The following DYDC1 variants were observed in gnomAD, a reference collection of about 807,000 sequenced individuals.
DYDC1 encodes the protein DPY30 domain-containing protein 1.
In DYDC1, 21 loss-of-function variants were observed where a neutral mutation model predicts 27.9. The observed-to-expected ratio is 0.75, with a 90% CI of 0.53 to 1.08. The LOEUF (loss-of-function observed/expected upper bound fraction) is 1.08, where lower values mean the gene tolerates loss of function less well. Ranked by LOEUF, DYDC1 falls within the 50% of genes least tolerant of loss-of-function variation. The pLI, the probability that DYDC1 is intolerant of heterozygous loss-of-function variation, is 0.00. For missense variants in DYDC1, 202 were observed against 205.9 expected (o/e 0.98, Z 0.12); for synonymous variants, 67 against 65.8 (o/e 1.02, Z -0.09).
At chr10:80,344,491 T>C (rs1454483136) in intron 3 of DYDC1, among the ~76,000 whole-genome samples, 3 of 152,218 alleles carry the variant, frequency 2.0e-5, no homozygotes, top group South Asian at 4.1e-4. Flanking sequence ...AAAGGGTCAA[T>C]GCTGAGTTTG....
Position 80,338,474 on chromosome 10 carries a change from A to G in DYDC1, c.497T>C (p.Phe166Ser), listed in dbSNP as rs1842210360. 6.2e-7 allele frequency: 1 copy of G among 1,612,738 alleles called. No homozygotes were observed. The highest frequency in any genetic ancestry group is 8.5e-7 in the Non-Finnish European group (1 of 1,179,560). The change falls in exon 6 of 7, where the codon TTT becomes TCT. Residue 166 changes from phenylalanine (F) to serine (S), a missense_variant. By Grantham distance (155) the Phe-to-Ser change is radical. Coordinates refer to ENST00000372202, the MANE Select transcript of DYDC1 (RefSeq NM_001269053.2). ...SRVEELDEPMFSDIALNIDQD... is the reference protein window; with the variant it reads ...SRVEELDEPMSSDIALNIDQD... Reference sequence around the variant, plus strand: ...AAACACACTGATACTGACATCAGAAAACATTGGTTCATCAAGTTCTTCCAC... The same window carrying G: ...AAACACACTGATACTGACATCAGAAGACATTGGTTCATCAAGTTCTTCCAC...
intron 4 of DYDC1, 145 bp downstream of exon 4, chr10:80,342,124 T>G (rs1842348534): frequency 8.7e-6 from 6 of 691,382 alleles, no homozygotes; most frequent in Non-Finnish European, 1.4e-5. Context: ...AAAAAGGTTA[T>G]GAGACTTGTT....
downstream of DYDC1, chr10:80,336,097 C>A (rs528653072): frequency 5.2e-6 from 6 of 1,156,210 alleles, no homozygotes; most frequent in African/African-American, 3.1e-5. Flanking sequence ...AAATTGGGAA[C>A]CTCATGGTTT....
rs1256503230 is a variant in DYDC1, at chr10:80,348,895, A to G, written c.249+3006T>C. Among the ~76,000 whole-genome samples, 6 of 151,320 alleles carry G rather than the reference A, an allele frequency of 4.0e-5. No individual in the cohort carries two copies. In the East Asian group the frequency reaches 9.6e-4, roughly 24 times the overall value. On this transcript the variant is annotated intron_variant, in intron 3 of 6. Transcript: ENST00000372202. ...TCATTACAGATCAGCATTAGCAGATAAACTTTTTTTTTTTGAGGCGGAGTC... is the reference window on the plus strand; with the variant it reads ...TCATTACAGATCAGCATTAGCAGATGAACTTTTTTTTTTTGAGGCGGAGTC...
chr10:80,343,549 A>G (rs1253118511), intron 3 of DYDC1, among the ~76,000 whole-genome samples: 3 of 152,056 alleles, frequency 2.0e-5, no homozygotes, highest in African/African-American at 7.2e-5. Context: ...AGGCAGGAGG[A>G]TTACTTGAAG....
chr10:80,336,072 G>A, downstream of DYDC1: 1 of 925,304 alleles, frequency 1.1e-6, no homozygotes, highest in Middle Eastern at 2.2e-4. Flanking sequence ...GTTCAAGTTT[G>A]AAGGAAAAAA....
chr10:80,336,593 C>T (rs892518069), intron 6 of DYDC1, among the ~76,000 whole-genome samples: 1 of 152,244 alleles, frequency 6.6e-6, no homozygotes, highest in African/African-American at 2.4e-5. Flanking sequence ...GCCTGGGCCC[C>T]TTCCTAACAT....
rs1399771633 is a variant in DYDC1 at position 80,352,466 on chromosome 10, T to C, written c.136A>G (p.Met46Val). Residue 46 changes from methionine to valine, a missense_variant, in exon 2 of 7, where the codon ATG becomes GTG. Transcript: ENST00000372202. Reference sequence around the variant, plus strand: ...AGATTCCTACTTACCAGTTGTTCCATGGTCACATTTTCCTTATACTTGTAA... The same window carrying C: ...AGATTCCTACTTACCAGTTGTTCCACGGTCACATTTTCCTTATACTTGTAA... Reference protein sequence around the residue: ...WIYKYKENVTMEQLRQKEMAK... With the variant: ...WIYKYKENVTVEQLRQKEMAK... 1 of 1,604,202 alleles carries C rather than the reference T, an allele frequency of 6.2e-7. No homozygotes were observed. The highest frequency in any genetic ancestry group is 1.7e-5 in the Admixed American group (1 of 58,154).
chr10:80,342,974 C>T (rs7918608), intron 3 of DYDC1, among the ~76,000 whole-genome samples: 144 of 125,396 alleles, frequency 1.1e-3, no homozygotes, highest in African/African-American at 4.4e-3. Flanking sequence ...GAGTAAGACT[C>T]CCTCTCAAAA....
chr10:80,356,458 G>A (rs983307288), intron 1 of DYDC1: 7 of 985,196 alleles, frequency 7.1e-6, no homozygotes, highest in Non-Finnish European at 8.4e-6. Flanking sequence ...GGGGCGCTCA[G>A]TGTGGTTTTC....
intron 3 of DYDC1, among the ~76,000 whole-genome samples, chr10:80,347,898 C>A (rs1842765138): frequency 6.6e-6 from 1 of 152,096 alleles, no homozygotes; most frequent in African/African-American, 2.4e-5. Flanking sequence ...ATAGTTCCAA[C>A]TTCGTTTTTC....
At chr10:80,354,404 T>C (rs1010106484) in intron 1 of DYDC1, 2 of 147,356 alleles carry the variant, frequency 1.4e-5, no homozygotes, top group African/African-American at 5.0e-5. Flanking sequence ...GAGAATCACT[T>C]GAACCCGGGA....
At chr10:80,347,812 G>A (rs1308590045) in intron 3 of DYDC1, among the ~76,000 whole-genome samples, 2 of 152,178 alleles carry the variant, frequency 1.3e-5, no homozygotes, top group African/African-American at 4.8e-5. Flanking sequence ...ACTGGTCTAT[G>A]TGTCTGTTTT....
intron 3 of DYDC1, among the ~76,000 whole-genome samples, chr10:80,348,413 T>C (rs1235637448): frequency 6.6e-6 from 1 of 152,252 alleles, no homozygotes; most frequent in Non-Finnish European, 1.5e-5. Context: ...ATCACTCATA[T>C]GTAAAACTTA....
At chr10:80,354,504 A>AG (rs1843233784) in intron 1 of DYDC1, 1 of 152,130 alleles carries the variant, frequency 6.6e-6, no homozygotes, top group African/African-American at 2.4e-5. Context: ...AAAAAAAAAA[A>AG]AAGAATACCT....
In DYDC1 at chr10:80,356,340, G is replaced by A. The variant is rs1843366048; in HGVS notation, c.-10+372C>T. ...TGAAGAAGGTGCCACAGAGATGGAA[G>A]GAGATTCCTTACCCACACCTGGGAG... is the stretch of plus-strand genomic sequence containing the variant. On this transcript the variant is annotated intron_variant, in intron 1 of 6. Coordinates refer to ENST00000372202, the MANE Select transcript of DYDC1 (RefSeq NM_001269053.2). 4.1e-6 allele frequency: 4 copies of A among 985,956 alleles called. No individual in the cohort carries two copies. The South Asian group carries it at 1.4e-4, about 35-fold the overall frequency. 61.1% of individuals were successfully genotyped at this position (985,956 alleles called of 1,614,324 possible). A position where few individuals can be genotyped will look rare whatever the true frequency, so the allele number is the denominator to read the frequency against.
intron 3 of DYDC1, among the ~76,000 whole-genome samples, chr10:80,349,455 A>C (rs992010918): frequency 6.6e-6 from 1 of 152,158 alleles, no homozygotes; most frequent in Non-Finnish European, 1.5e-5. Flanking sequence ...TAAAGCATAA[A>C]ATGTCTACTA....
Position 80,352,624 on chromosome 10 carries a change from G to A in DYDC1, c.-9-14C>T. 1 of 1,591,818 alleles carries A rather than the reference G, an allele frequency of 6.3e-7. No individual in the cohort carries two copies. The highest frequency in any genetic ancestry group is 8.5e-7 in the Non-Finnish European group (1 of 1,173,096). On this transcript the variant is annotated splice_polypyrimidine_tract_variant and intron_variant, in intron 1 of 6. Coordinates refer to ENST00000372202, the MANE Select transcript of DYDC1 (RefSeq NM_001269053.2). ...CATTTCTAACTCCTAAAAAGTAAGT[G>A]TTTTTGCATTACTGCAGGATATTTT... is the stretch of plus-strand genomic sequence containing the variant.
chr10:80,336,286 T>C (rs1842133470), intron 6 of DYDC1, 101 bp from the exon 7 acceptor site: 1 of 1,413,630 alleles, frequency 7.1e-7, no homozygotes, highest in Non-Finnish European at 9.2e-7. Flanking sequence ...TGTGACTACA[T>C]GAATGAAACT....
Sources: gnomAD v4.1 joint callset for allele counts (sites outside exome capture counted in the v4.1 genomes callset) on GRCh38, gnomAD v4.1.1 for gene constraint, MANE v1.5 for transcripts, NCBI Gene and HGNC (gene_info 2026-07-23, HGNC 2026-07-21) for gene names.